NOVA2: variants seen among roughly 807,000 people sequenced by gnomAD.
NOVA2 encodes NOVA alternative splicing regulator 2.
NOVA2 carries 9 observed loss-of-function variants against 22.5 expected under a neutral mutation model. The observed-to-expected ratio is 0.40, with a 90% CI of 0.24 to 0.70. NOVA2 has a LOEUF of 0.70. Ranked by LOEUF, NOVA2 falls within the 30% of genes least tolerant of loss-of-function variation. The pLI is 0.38. For synonymous variants in NOVA2, 318 were observed against 335.2 expected, an observed-to-expected ratio of 0.95 and a Z score of 0.56; for missense variants, 383 against 682.8, an observed-to-expected ratio of 0.56 and a Z score of 4.89.
rs549144545 is a variant in NOVA2 at position 45,971,542 on chromosome 19, AG to A, written c.85+1724del. 2.6e-4 allele frequency among the ~76,000 whole-genome samples: 39 copies of A among 152,190 alleles called. No individual in the cohort carries two copies. The South Asian group carries it at 6.6e-3, about 26-fold the overall frequency. On this transcript the variant is annotated intron_variant, in intron 1 of 3. Transcript: ENST00000263257. ...CTGCTGGACACCCTCACAGGCATCC[AG>A]GGGGTCCCTGATTCCTGTCCCACCT...
At chr19:45,959,821 G>GGAGAGA (rs146270704) in intron 2 of NOVA2, among the ~76,000 whole-genome samples, 2,451 of 136,666 alleles carry the variant, frequency 0.018, 23 homozygotes, top group Non-Finnish European at 0.028. Flanking sequence ...AGACAGAGAG[G>GGAGAGA]GAGAGAGAGA....
In NOVA2 at chr19:45,939,764, A is replaced by G; in HGVS notation, c.*99T>C. The G allele has an allele frequency of 6.8e-7, 1 of 1,468,590 alleles. No homozygotes were observed. The highest frequency in any genetic ancestry group is 1.2e-5 in the South Asian group (1 of 82,996). The allele number at this position is 1,468,590 out of a possible 1,614,324, so 91.0% of individuals were successfully genotyped here. On this transcript the variant is annotated 3_prime_UTR_variant, in exon 4 of 4. Coordinates refer to ENST00000263257, the MANE Select transcript of NOVA2 (RefSeq NM_002516.4). The stretch of plus-strand genomic sequence containing the variant: ...ACCCCAGCCCCATCCCAAGAGGAGC[A>G]GGACTACACCAAGCTGAGGTCAGGA...
intron 2 of NOVA2, among the ~76,000 whole-genome samples, 153 bp downstream of exon 2, chr19:45,960,857 G>A (rs981041428): frequency 5.3e-5 from 8 of 152,158 alleles, no homozygotes; most frequent in African/African-American, 1.4e-4. Context: ...TCGGGCTGGG[G>A]GCAGCTCTGT....
At chr19:45,963,434 A>G (rs1968124858) in intron 1 of NOVA2, among the ~76,000 whole-genome samples, 1 of 151,988 alleles carries the variant, frequency 6.6e-6, no homozygotes, top group Non-Finnish European at 1.5e-5. Flanking sequence ...CCTCAGGCTC[A>G]GTGCATATTT....
chr19:45,950,833 T>A (rs1600605108), intron 3 of NOVA2, among the ~76,000 whole-genome samples: 1 of 152,296 alleles, frequency 6.6e-6, no homozygotes, highest in Non-Finnish European at 1.5e-5. Context: ...GAGTAACTTA[T>A]CTAGGTTCCA....
chr19:45,949,321 C>CAAA (rs11320511), intron 3 of NOVA2, among the ~76,000 whole-genome samples: 2 of 126,688 alleles, frequency 1.6e-5, no homozygotes, highest in African/African-American at 6.1e-5. Context: ...GCTGTTATTT[C>CAAA]AAAAAAAAAA....
In NOVA2 at chr19:45,941,332, T is replaced by C. The variant is rs557253834; in HGVS notation, c.397-387A>G. On this transcript the variant is annotated intron_variant, in intron 3 of 3. Transcript: ENST00000263257. ...ATAATATATATATATATATATATAA[T>C]TTTGTCTATCTATATTAGTAGAGAT... Among the ~76,000 whole-genome samples, 54 of 147,742 alleles carry C rather than the reference T, an allele frequency of 3.7e-4. 1 individual carries two copies. In the South Asian group the frequency reaches 0.011, roughly 31 times the overall value.
chr19:45,970,467 C>T (rs1432719371), intron 1 of NOVA2, among the ~76,000 whole-genome samples: 2 of 151,594 alleles, frequency 1.3e-5, no homozygotes, highest in African/African-American at 2.4e-5. Context: ...CCTCCACCTC[C>T]TGGATTCAAG....
chr19:45,968,253 T>C (rs1370722043), intron 1 of NOVA2, among the ~76,000 whole-genome samples: 1 of 151,680 alleles, frequency 6.6e-6, no homozygotes, highest in East Asian at 1.9e-4. Flanking sequence ...TCTATGAGGG[T>C]ACGAGGAGGC....
Position 45,940,600 on chromosome 19 carries a change from C to A in NOVA2, c.742G>T (p.Ala248Ser). Residue 248 changes from alanine (A) to serine (S), a missense_variant, in exon 4 of 4, where the codon GCC becomes TCC. Coordinates refer to ENST00000263257, the MANE Select transcript of NOVA2 (RefSeq NM_002516.4). ...LPAAAAASAA[A>S]ASGLLGPAGL... ...GCGGGGCCCAGCAGGCCGGAGGCGG[C>A]GGCGGCCGACGCTGCGGCCGCGGCT... The A allele has an allele frequency of 7.1e-7, 1 of 1,416,304 alleles. No homozygotes were observed. The highest frequency in any genetic ancestry group is 9.1e-7 in the Non-Finnish European group (1 of 1,097,486). The allele number at this position is 1,416,304 out of a possible 1,614,324, so 87.7% of individuals were successfully genotyped here. A position where few individuals can be genotyped will look rare whatever the true frequency, so the allele number is the denominator to read the frequency against.
At chr19:45,944,423 C>T (rs1393346166) in intron 3 of NOVA2, among the ~76,000 whole-genome samples, 1 of 152,094 alleles carries the variant, frequency 6.6e-6, no homozygotes, top group Admixed American at 6.6e-5. Context: ...GCCTGGGCAA[C>T]AGAGCAGACC....
At chr19:45,963,554 C>G (rs546274679) in intron 1 of NOVA2, among the ~76,000 whole-genome samples, 27 of 150,082 alleles carry the variant, frequency 1.8e-4, no homozygotes, top group African/African-American at 6.6e-4. Flanking sequence ...TCTTTTGAGA[C>G]AGAGTCTCGC....
Position 45,973,272 on chromosome 19 carries a change from G to A in NOVA2, c.80C>T (p.Thr27Met), listed in dbSNP as rs946790053. 6.8e-6 allele frequency: 10 copies of A among 1,464,268 alleles called. No individual in the cohort carries two copies. The highest frequency in any genetic ancestry group is 9.1e-6 in the Non-Finnish European group (10 of 1,103,766). The allele number at this position is 1,464,268 out of a possible 1,614,324, so 90.7% of individuals were successfully genotyped here. ...GAGCCGCAGCCCTTTCTCACCTCCC[G>A]TGTTGCTGCGCTTGGTGCAGACCAC... ...PEVVCTKRSN[T>M]GEEGEYFLKV... Residue 27 changes from threonine (T) to methionine (M), a missense_variant, in exon 1 of 4, where the codon ACG (threonine) becomes ATG (methionine). This residue lies in a region of NOVA2 where 349 missense variants were observed against 578.1 expected (regional missense o/e 0.60). Transcript: ENST00000263257.
In NOVA2 at chr19:45,939,640, G is replaced by A; in HGVS notation, c.*223C>T. 3.4e-6 allele frequency: 2 copies of A among 585,526 alleles called. No homozygotes were observed. The highest frequency in any genetic ancestry group is 2.2e-5 in the South Asian group (1 of 45,604). The allele number at this position is 585,526 out of a possible 1,614,324, so 36.3% of individuals were successfully genotyped here. A position where few individuals can be genotyped will look rare whatever the true frequency, so the allele number is the denominator to read the frequency against. ...CCAAGCACAGGGAGGGAGGAAGGAGGGGTCAGTTCCGGGCTGGGGAGGGGG... is the reference window on the plus strand; with the variant it reads ...CCAAGCACAGGGAGGGAGGAAGGAGAGGTCAGTTCCGGGCTGGGGAGGGGG... On this transcript the variant is annotated 3_prime_UTR_variant, in exon 4 of 4. Transcript: ENST00000263257.
intron 1 of NOVA2, among the ~76,000 whole-genome samples, chr19:45,965,779 G>A (rs1487884378): frequency 6.6e-6 from 1 of 152,190 alleles, no homozygotes; most frequent in Non-Finnish European, 1.5e-5. Context: ...ATGCCCTTGG[G>A]CAAGTCTCCT....
chr19:45,958,498 AGT>A (rs755217404), intron 2 of NOVA2, among the ~76,000 whole-genome samples: 74 of 139,522 alleles, frequency 5.3e-4, no homozygotes, highest in Middle Eastern at 7.3e-3. Flanking sequence ...AATGAGTGTG[AGT>A]GTGTGTAAGC....
rs1051403319 is a variant in NOVA2, at chr19:45,963,624, C to T, written c.86-2471G>A. 6.6e-5 allele frequency among the ~76,000 whole-genome samples: 10 copies of T among 151,622 alleles called. No homozygotes were observed. In the East Asian group the frequency reaches 1.6e-3, roughly 24 times the overall value. ...TCGGCTCACTGCACGCTCCGCCTCT[C>T]CGATTCACGCCATTCTCCTGCCTCA... is the stretch of plus-strand genomic sequence containing the variant. On this transcript the variant is annotated intron_variant, in intron 1 of 3. Transcript: ENST00000263257.
chr19:45,972,670 T>C (rs1244579301), intron 1 of NOVA2, among the ~76,000 whole-genome samples: 1 of 151,690 alleles, frequency 6.6e-6, no homozygotes, highest in Non-Finnish European at 1.5e-5. Context: ...AGGGCACACA[T>C]ACACACACAC....
chr19:45,971,221 G>A (rs151052554), intron 1 of NOVA2, among the ~76,000 whole-genome samples: 41 of 152,324 alleles, frequency 2.7e-4, no homozygotes, highest in African/African-American at 9.9e-4. Flanking sequence ...ATTAGCAGCA[G>A]TGGCATCAGT....
Sources: allele counts gnomAD v4.1 joint callset (sites outside exome capture counted in the v4.1 genomes callset), GRCh38; gene constraint gnomAD v4.1.1; regional missense constraint gnomAD v4.1.1; transcripts MANE v1.5; gene names NCBI Gene and HGNC (gene_info 2026-07-23, HGNC 2026-07-21).